The following NEBL variants were observed in gnomAD, a reference collection of about 807,000 sequenced individuals.
NEBL encodes the protein nebulette, also known as LIM and SH3 protein 2.
Under a neutral mutation model 140.2 loss-of-function variants are expected in NEBL, and 122 were observed. That is an observed-to-expected ratio of 0.87 (90% confidence interval 0.75 to 1.01). The LOEUF (loss-of-function observed/expected upper bound fraction) is 1.01, where lower values mean the gene tolerates loss of function less well. Among genes scored for constraint, NEBL ranks in the 50% least tolerant of loss-of-function variants. The probability of loss-of-function intolerance (pLI) is 0.00; values close to 1 mark genes in which losing one functional copy is unlikely to be tolerated. For missense variants in NEBL, 1,365 were observed against 1,231.3 expected (o/e 1.11, Z -1.62); for synonymous variants, 436 against 398.9 (o/e 1.09, Z -1.11).
At chr10:20,870,877 A>G (rs1294353248) in intron 5 of NEBL, among the ~76,000 whole-genome samples, 3 of 152,214 alleles carry the variant, frequency 2.0e-5, no homozygotes, top group Non-Finnish European at 4.4e-5. Context: ...CGTCATTTAG[A>G]TTAACTTGAC....
chr10:20,840,996 C>T (rs1841366927), intron 12 of NEBL, 147 bp from the exon 13 acceptor site: 1 of 632,330 alleles, frequency 1.6e-6, no homozygotes, highest in Non-Finnish European at 2.8e-6. Context: ...TGCTTTTTTC[C>T]TACAGACACT....
chr10:21,185,155 G>T (rs928063858), intron 3 of NEBL, among the ~76,000 whole-genome samples: 1 of 152,148 alleles, frequency 6.6e-6, no homozygotes, highest in African/African-American at 2.4e-5. Flanking sequence ...GTAATGACCA[G>T]TCCTCAGGAC....
Position 20,780,146 on chromosome 10 carries a change from T to C in NEBL, c.*5601A>G, listed in dbSNP as rs1333119650. ...AAATAGGGACTCACTTTTTCAATTA[T>C]GGGAAGCGTAGTGGGGGGAGAAAAG... On this transcript the variant is annotated 3_prime_UTR_variant, in exon 28 of 28. Coordinates refer to ENST00000377122, the MANE Select transcript of NEBL (RefSeq NM_006393.3). The C allele has an allele frequency of 1.3e-5, 2 of 152,196 alleles. No homozygotes were observed. Among genetic ancestry groups the C allele is most frequent in the African/African-American group, 4.8e-5 (2 of 41,454 alleles). The allele number at this position is 152,196 out of a possible 1,614,324, so 9.4% of individuals were successfully genotyped here.
intron 23 of NEBL, chr10:20,813,635 G>T (rs886347639): frequency 6.5e-6 from 2 of 307,060 alleles, no homozygotes; most frequent in Non-Finnish European, 1.2e-5. Context: ...CAGGCAAACA[G>T]ACCAAATTTT....
chr10:20,850,365 A>C (rs1452505162), intron 11 of NEBL, 30 bp downstream of exon 11: 1 of 1,458,330 alleles, frequency 6.9e-7, no homozygotes. Flanking sequence ...AATTTACATT[A>C]AACAATTAGT....
chr10:20,835,062 G>C (rs1233894843), intron 14 of NEBL, among the ~76,000 whole-genome samples: 1 of 152,078 alleles, frequency 6.6e-6, no homozygotes. Context: ...TGTCAACAAA[G>C]GCTATTTTAA....
chr10:20,888,028 C>T lies in NEBL; in HGVS notation c.369+69G>A, dbSNP rs773387879. On this transcript the variant is annotated intron_variant, in intron 4 of 27. Coordinates refer to ENST00000377122, the MANE Select transcript of NEBL (RefSeq NM_006393.3). Reference sequence around the variant, plus strand: ...CCATGATGAAAACGTTTTATTAAAACGCTAAGTAGCTTTTTTCCAGTTATA... The same window carrying T: ...CCATGATGAAAACGTTTTATTAAAATGCTAAGTAGCTTTTTTCCAGTTATA... The T allele has an allele frequency of 2.3e-4, 248 of 1,102,026 alleles. 1 individual carries two copies. Among genetic ancestry groups the T allele is most frequent in the Admixed American group, 9.0e-4 (52 of 58,006 alleles). The allele number at this position is 1,102,026 out of a possible 1,614,324, so 68.3% of individuals were successfully genotyped here.
At chr10:21,049,610 A>T (rs575439769) in intron 2 of NEBL, among the ~76,000 whole-genome samples, 1 of 152,122 alleles carries the variant, frequency 6.6e-6, no homozygotes, top group East Asian at 1.9e-4. Context: ...CAAATGCCAC[A>T]ATCTTCAAAA....
intron 3 of NEBL, among the ~76,000 whole-genome samples, chr10:20,984,125 GA>G (rs60270033): frequency 1.4e-5 from 2 of 145,422 alleles, no homozygotes; most frequent in African/African-American, 2.5e-5. Flanking sequence ...AAATGTACCT[GA>G]AAAAAAAAAA....
chr10:21,134,216 A>C (rs1001335802), intron 2 of NEBL, among the ~76,000 whole-genome samples: 2 of 150,644 alleles, frequency 1.3e-5, no homozygotes, highest in African/African-American at 2.5e-5. Flanking sequence ...ACAGAGTGAG[A>C]CTCCATCTCA....
intron 4 of NEBL, among the ~76,000 whole-genome samples, chr10:20,887,411 C>CTTTTTTT (rs36034071): frequency 3.7e-5 from 3 of 80,626 alleles, no homozygotes; most frequent in East Asian, 3.3e-4. Flanking sequence ...TGAATTCAAC[C>CTTTTTTT]TTTTTTTTTT....
chr10:21,003,908 G>A (rs1435893034), intron 3 of NEBL, among the ~76,000 whole-genome samples: 5 of 152,204 alleles, frequency 3.3e-5, no homozygotes. Flanking sequence ...AACCCTTTCA[G>A]TTCTTGTCTC....
At chr10:21,091,519 CT>C (rs376501949) in intron 2 of NEBL, among the ~76,000 whole-genome samples, 1,286 of 104,762 alleles carry the variant, frequency 0.012, 15 homozygotes, top group African/African-American at 0.1. Context: ...ATCCAATTAG[CT>C]ATCAGTACCT....
intron 1 of NEBL, among the ~76,000 whole-genome samples, chr10:21,290,630 A>T (rs1301526527): frequency 6.6e-6 from 1 of 152,222 alleles, no homozygotes; most frequent in East Asian, 1.9e-4. Context: ...CCAAAAGATT[A>T]TTAGGAGATT....
intron 20 of NEBL, among the ~76,000 whole-genome samples, chr10:20,818,508 C>A (rs1838961762): frequency 6.6e-6 from 1 of 152,164 alleles, no homozygotes; most frequent in Non-Finnish European, 1.5e-5. Context: ...AAATGTTTTC[C>A]ATTTATAAGG....
chr10:20,856,240 G>T (rs1843061607), intron 9 of NEBL, among the ~76,000 whole-genome samples: 1 of 152,180 alleles, frequency 6.6e-6, no homozygotes, highest in African/African-American at 2.4e-5. Context: ...TGACTTTGCT[G>T]TGTTTTCTCT....
chr10:21,230,923 C>A (rs537104964), intron 3 of NEBL, among the ~76,000 whole-genome samples: 21 of 151,904 alleles, frequency 1.4e-4, no homozygotes, highest in Non-Finnish European at 1.3e-4. Flanking sequence ...TCTTAAGAAA[C>A]GAAAAGGAAC....
chr10:20,942,735 T>C (rs1397790798), intron 4 of NEBL, among the ~76,000 whole-genome samples: 17 of 151,798 alleles, frequency 1.1e-4, no homozygotes, highest in Non-Finnish European at 2.1e-4. Flanking sequence ...ACTTAAACAA[T>C]GTACAAGAAA....
intron 3 of NEBL, among the ~76,000 whole-genome samples, chr10:21,001,336 G>A (rs1353578837): frequency 6.6e-6 from 1 of 152,178 alleles, no homozygotes; most frequent in East Asian, 1.9e-4. Flanking sequence ...TGGGAGCCAC[G>A]TAGCAGCTGG....
Sources: allele counts gnomAD v4.1 joint callset (sites outside exome capture counted in the v4.1 genomes callset), GRCh38; gene constraint gnomAD v4.1.1; transcripts MANE v1.5; gene names NCBI Gene and HGNC (gene_info 2026-07-23, HGNC 2026-07-21).